MGME1: variants seen among roughly 807,000 people sequenced by gnomAD.
The protein encoded by MGME1 is chromosome 20 open reading frame 72.
MGME1 carries 22 observed loss-of-function variants against 33.0 expected under a neutral mutation model. That is an observed-to-expected ratio of 0.67 (90% CI 0.48 to 0.95). The LOEUF is 0.95. Among genes scored for constraint, MGME1 ranks in the 40% least tolerant of loss-of-function variants. MGME1 has a pLI of 0.00. For missense variants in MGME1, 383 were observed against 397.8 expected (o/e 0.96, Z 0.32); for synonymous variants, 133 against 144.0 (o/e 0.92, Z 0.55).
intron 2 of MGME1, among the ~76,000 whole-genome samples, chr20:17,973,320 GA>G (rs1345560927): frequency 1.3e-5 from 2 of 150,248 alleles, no homozygotes; most frequent in East Asian, 3.9e-4. Context: ...CTCCAGCCTG[GA>G]AAAAAAAAGA....
chr20:17,972,421 G>T (rs1181102533), intron 2 of MGME1, among the ~76,000 whole-genome samples: 1 of 145,232 alleles, frequency 6.9e-6, no homozygotes, highest in Non-Finnish European at 1.5e-5. Context: ...ACAAAGGGAT[G>T]GGGTTTAGGT....
chr20:17,974,780 C>T (rs967636281), intron 2 of MGME1, among the ~76,000 whole-genome samples: 3 of 152,000 alleles, frequency 2.0e-5, no homozygotes, highest in Non-Finnish European at 2.9e-5. Flanking sequence ...ATTTTTCAGG[C>T]TGTTCCAGCA....
intron 2 of MGME1, among the ~76,000 whole-genome samples, chr20:17,971,824 C>T (rs976275319): frequency 1.3e-5 from 2 of 152,188 alleles, no homozygotes; most frequent in African/African-American, 2.4e-5. Context: ...CAGACTTGAC[C>T]GCCGGGACCC....
chr20:17,974,202 T>G (rs2035803040), intron 2 of MGME1, among the ~76,000 whole-genome samples: 1 of 151,820 alleles, frequency 6.6e-6, no homozygotes, highest in African/African-American at 2.4e-5. Flanking sequence ...GTAGCTGGAA[T>G]TACAGGCATG....
intron 3 of MGME1, among the ~76,000 whole-genome samples, chr20:17,983,340 A>G (rs1220046431): frequency 6.6e-6 from 1 of 150,938 alleles, no homozygotes; most frequent in African/African-American, 2.4e-5. Context: ...ATAGATGGAC[A>G]CTTAGGTTGT....
chr20:17,971,935 C>G (rs1000895914), intron 2 of MGME1, among the ~76,000 whole-genome samples: 2 of 152,116 alleles, frequency 1.3e-5, no homozygotes, highest in African/African-American at 4.8e-5. Flanking sequence ...AAGGGTCTCC[C>G]TATGTTGCCC....
intron 3 of MGME1, among the ~76,000 whole-genome samples, chr20:17,979,464 T>C (rs1377788528): frequency 6.6e-6 from 1 of 151,784 alleles, no homozygotes; most frequent in African/African-American, 2.4e-5. Flanking sequence ...CAGGCTGGAG[T>C]GCAGTGGCGC....
chr20:17,988,405 G>A, intron 4 of MGME1, 107 bp downstream of exon 4: 2 of 1,219,180 alleles, frequency 1.6e-6, no homozygotes, highest in Non-Finnish European at 2.3e-6. Flanking sequence ...ACTTTGGGAG[G>A]CCAAGGCCGG....
chr20:17,973,302 C>T (rs1339914698), intron 2 of MGME1, among the ~76,000 whole-genome samples: 1 of 151,504 alleles, frequency 6.6e-6, no homozygotes, highest in East Asian at 1.9e-4. Flanking sequence ...CGAGATCATA[C>T]CACTGCACTC....
At chr20:17,973,928 T>G (rs561132269) in intron 2 of MGME1, among the ~76,000 whole-genome samples, 2 of 152,314 alleles carry the variant, frequency 1.3e-5, no homozygotes, top group South Asian at 2.1e-4. Context: ...TTTGCTGGGT[T>G]GTTGGGTTTG....
intron 2 of MGME1, among the ~76,000 whole-genome samples, chr20:17,973,594 A>G (rs1188154615): frequency 6.6e-6 from 1 of 151,730 alleles, no homozygotes; most frequent in African/African-American, 2.4e-5. Flanking sequence ...GTGAGCAATG[A>G]TCGAGCCAGT....
Position 17,990,219 on chromosome 20 carries a change from G to A in MGME1, c.*110G>A, listed in dbSNP as rs760004147. ...GTGCCACTGGATCTGAGTGCTACAC[G>A]AACACAAGTAGAAGTATTAATTTGT... On this transcript the variant is annotated 3_prime_UTR_variant, in exon 5 of 5. Coordinates refer to ENST00000377710, the MANE Select transcript of MGME1 (RefSeq NM_052865.4). The A allele has an allele frequency of 3.6e-5, 32 of 889,746 alleles. No homozygotes were observed. The highest frequency in any genetic ancestry group is 5.7e-5 in the South Asian group (4 of 69,754). The allele number at this position is 889,746 out of a possible 1,614,324, so 55.1% of individuals were successfully genotyped here. A position where few individuals can be genotyped will look rare whatever the true frequency, so the allele number is the denominator to read the frequency against.
chr20:17,978,501 G>C (rs2035924665), intron 3 of MGME1, among the ~76,000 whole-genome samples: 1 of 152,008 alleles, frequency 6.6e-6, no homozygotes, highest in Non-Finnish European at 1.5e-5. Flanking sequence ...CACCGCGCCT[G>C]GCCTAGACCA....
chr20:17,978,164 G>T (rs1412315083), intron 3 of MGME1, among the ~76,000 whole-genome samples: 1 of 152,086 alleles, frequency 6.6e-6, no homozygotes, highest in African/African-American at 2.4e-5. Flanking sequence ...GGGCACCCTT[G>T]ATAGTCTGAA....
chr20:17,968,656 G>C (rs1208446646), upstream of MGME1: 4 of 605,968 alleles, frequency 6.6e-6, no homozygotes, highest in South Asian at 6.6e-5. Context: ...AGTCCCCGCT[G>C]CCGTCCATCT....
chr20:17,978,763 G>T (rs942986438), intron 3 of MGME1, among the ~76,000 whole-genome samples: 39 of 150,816 alleles, frequency 2.6e-4, no homozygotes, highest in Non-Finnish European at 1.3e-4. Context: ...TGAAACTACG[G>T]TTTTTTTTTG....
intron 4 of MGME1, among the ~76,000 whole-genome samples, chr20:17,989,257 G>A (rs1429201970): frequency 6.6e-6 from 1 of 151,248 alleles, no homozygotes; most frequent in African/African-American, 2.4e-5. Flanking sequence ...GTGGTGGTGT[G>A]TGCCTCTAGT....
chr20:17,976,102 A>G (rs1222904606), intron 3 of MGME1, among the ~76,000 whole-genome samples, 199 bp downstream of exon 3: 1 of 152,100 alleles, frequency 6.6e-6, no homozygotes, highest in Non-Finnish European at 1.5e-5. Context: ...TCCAAAATCA[A>G]ATTGTTTGCT....
rs550145082 is a variant in MGME1, at chr20:17,988,377, C to G, written c.864+79C>G. The G allele has an allele frequency of 2.1e-5, 31 of 1,497,814 alleles. No homozygotes were observed. In the South Asian group the frequency reaches 3.6e-4, roughly 17 times the overall value. The allele number at this position is 1,497,814 out of a possible 1,614,324, so 92.8% of individuals were successfully genotyped here. A position where few individuals can be genotyped will look rare whatever the true frequency, so the allele number is the denominator to read the frequency against. Reference sequence around the variant, plus strand: ...TAACTCCGGGCCGGGCGCAGTGGCTCATGCCTGTAATCCTAGCACTTTGGG... The same window carrying G: ...TAACTCCGGGCCGGGCGCAGTGGCTGATGCCTGTAATCCTAGCACTTTGGG... On this transcript the variant is annotated intron_variant, in intron 4 of 4. Coordinates refer to ENST00000377710, the MANE Select transcript of MGME1 (RefSeq NM_052865.4).
Sources: gnomAD v4.1 joint callset for allele counts (sites outside exome capture counted in the v4.1 genomes callset) on GRCh38, gnomAD v4.1.1 for gene constraint, MANE v1.5 for transcripts, NCBI Gene and HGNC (gene_info 2026-07-23, HGNC 2026-07-21) for gene names.